The following MLLT10 variants were observed in gnomAD, a reference collection of about 807,000 sequenced individuals.
The protein encoded by MLLT10 is protein AF-10.
Under a neutral mutation model 129.1 loss-of-function variants are expected in MLLT10, and 30 were observed. That is an observed-to-expected ratio of 0.23 (90% CI 0.17 to 0.32). The LOEUF is 0.32. Among genes scored for constraint, MLLT10 ranks in the 10% least tolerant of loss-of-function variants. MLLT10 has a pLI of 1.00. For missense variants in MLLT10, 1,119 were observed against 1,268.3 expected, an observed-to-expected ratio of 0.88 and a Z score of 1.79; for synonymous variants, 490 against 446.4, an observed-to-expected ratio of 1.10 and a Z score of -1.23.
intron 2 of MLLT10, among the ~76,000 whole-genome samples, chr10:21,537,618 CCAT>C (rs894781999): frequency 6.6e-6 from 1 of 152,118 alleles, no homozygotes; most frequent in Non-Finnish European, 1.5e-5. Flanking sequence ...GCACCTGCCA[CCAT>C]GCCCAGCTAA....
At chr10:21,681,084 C>G (rs2052692405) in intron 11 of MLLT10, among the ~76,000 whole-genome samples, 1 of 152,114 alleles carries the variant, frequency 6.6e-6, no homozygotes. Flanking sequence ...ATGTCTTTTC[C>G]TCACTCTTTG....
At chr10:21,555,103 G>A (rs1027860811) in intron 3 of MLLT10, among the ~76,000 whole-genome samples, 3 of 152,096 alleles carry the variant, frequency 2.0e-5, no homozygotes, top group Admixed American at 2.0e-4. Context: ...TTACAGGCGT[G>A]AGCCACTGTG....
intron 4 of MLLT10, among the ~76,000 whole-genome samples, chr10:21,594,392 A>T (rs1342223523): frequency 6.6e-6 from 1 of 151,854 alleles, no homozygotes; most frequent in Non-Finnish European, 1.5e-5. Flanking sequence ...CCTACTAAAA[A>T]TACAAAATTA....
chr10:21,691,612 TA>T (rs1443853575), intron 13 of MLLT10, among the ~76,000 whole-genome samples: 1 of 152,088 alleles, frequency 6.6e-6, no homozygotes, highest in Non-Finnish European at 1.5e-5. Flanking sequence ...CCACCCAGAT[TA>T]GGTCTTTTAT....
chr10:21,641,590 G>A (rs1302276217), intron 8 of MLLT10, among the ~76,000 whole-genome samples: 12 of 152,122 alleles, frequency 7.9e-5, no homozygotes, highest in Non-Finnish European at 1.6e-4. Context: ...TGGAGTTTGA[G>A]GCTGCAGTGA....
At chr10:21,617,249 T>A in intron 8 of MLLT10, 42 bp downstream of exon 8, 1 of 1,170,198 alleles carries the variant, frequency 8.5e-7, no homozygotes. Context: ...CACATCTACT[T>A]AATAGAATTT....
chr10:21,534,861 C>T (rs2033539969), intron 2 of MLLT10, 57 bp downstream of exon 2: 5 of 1,303,266 alleles, frequency 3.8e-6, no homozygotes, highest in South Asian at 1.7e-5. Flanking sequence ...GTCACCGCCG[C>T]CCCCACCTGG....
At chr10:21,669,202 C>T in intron 9 of MLLT10, 2 of 724,886 alleles carry the variant, frequency 2.8e-6, no homozygotes, top group South Asian at 4.8e-5. Context: ...TGAAATATTT[C>T]TTCTATTTAA....
chr10:21,705,996 G>A (rs1349937876), intron 13 of MLLT10, among the ~76,000 whole-genome samples: 1 of 152,176 alleles, frequency 6.6e-6, no homozygotes, highest in Non-Finnish European at 1.5e-5. Flanking sequence ...CTGCATTAGG[G>A]AGCCTCTCTT....
intron 5 of MLLT10, among the ~76,000 whole-genome samples, chr10:21,610,984 C>CTTTTTTTTTTTTTTTTTTTTT (rs71393913): frequency 3.9e-5 from 4 of 102,884 alleles, no homozygotes; most frequent in Admixed American, 1.1e-4. Context: ...TCTTTTTTCT[C>CTTTTTTTTTTTTTTTTTTTTT]TTTTTTTTTT....
chr10:21,620,716 G>C (rs995385048), intron 8 of MLLT10, among the ~76,000 whole-genome samples: 5 of 151,960 alleles, frequency 3.3e-5, no homozygotes, highest in Admixed American at 2.0e-4. Context: ...CTGAGGCGGA[G>C]TCTTGCTGTT....
At chr10:21,608,759 A>G (rs927903504) in intron 5 of MLLT10, among the ~76,000 whole-genome samples, 2 of 152,012 alleles carry the variant, frequency 1.3e-5, no homozygotes, top group East Asian at 3.9e-4. Flanking sequence ...AAGTTTGCTA[A>G]TTTTTTTCTT....
intron 2 of MLLT10, among the ~76,000 whole-genome samples, chr10:21,537,058 GATTACAGGT>G (rs2034159268): frequency 6.6e-6 from 1 of 152,092 alleles, no homozygotes; most frequent in Non-Finnish European, 1.5e-5. Context: ...AAACTGCTGG[GATTACAGGT>G]GTGAGTCATT....
intron 3 of MLLT10, among the ~76,000 whole-genome samples, chr10:21,539,840 G>T (rs952728862): frequency 6.6e-6 from 1 of 152,164 alleles, no homozygotes; most frequent in African/African-American, 2.4e-5. Context: ...AGCTATTTGG[G>T]AGGCTGAGGC....
At chr10:21,570,483 C>CT (rs1409784853) in intron 3 of MLLT10, among the ~76,000 whole-genome samples, 56 of 151,282 alleles carry the variant, frequency 3.7e-4, no homozygotes, top group East Asian at 2.7e-3. Flanking sequence ...TTTCTAAAGA[C>CT]TTTTTTTTTC....
intron 5 of MLLT10, among the ~76,000 whole-genome samples, chr10:21,603,966 A>T (rs1028294461): frequency 6.6e-6 from 1 of 151,688 alleles, no homozygotes; most frequent in African/African-American, 2.4e-5. Flanking sequence ...CCATCATGTG[A>T]CCTCATCCTA....
chr10:21,711,822 A>G (rs1564697290), intron 13 of MLLT10, among the ~76,000 whole-genome samples: 7 of 152,182 alleles, frequency 4.6e-5, no homozygotes, highest in Admixed American at 4.6e-4. Flanking sequence ...TTGGCTCACC[A>G]CTTTTCTCAC....
At chr10:21,573,800 C>T (rs2040461261) in intron 3 of MLLT10, among the ~76,000 whole-genome samples, 1 of 152,100 alleles carries the variant, frequency 6.6e-6, no homozygotes, top group South Asian at 2.1e-4. Flanking sequence ...AGTGATCCTC[C>T]CGCCTTGGCC....
rs2060999945 is a variant in MLLT10, at chr10:21,551,269, A to G, written c.240+12357A>G. On this transcript the variant is annotated intron_variant, in intron 3 of 22. Transcript: ENST00000307729. ...AGTGCAAGAAGCCAGGCTGAGTGCCAAAAAGTACTCGGATTGTACCTTTTT... is the reference window on the plus strand; with the variant it reads ...AGTGCAAGAAGCCAGGCTGAGTGCCGAAAAGTACTCGGATTGTACCTTTTT... 2.0e-5 allele frequency among the ~76,000 whole-genome samples: 3 copies of G among 150,018 alleles called. No individual in the cohort carries two copies. In the South Asian group the frequency reaches 6.3e-4, roughly 32 times the overall value.
Sources: gnomAD v4.1 joint callset for allele counts (sites outside exome capture counted in the v4.1 genomes callset) on GRCh38, gnomAD v4.1.1 for gene constraint, MANE v1.5 for transcripts, NCBI Gene and HGNC (gene_info 2026-07-23, HGNC 2026-07-21) for gene names.